VNN1: variants seen among roughly 807,000 people sequenced by gnomAD.
The protein encoded by VNN1 is vanin 1.
Under a neutral mutation model 41.9 loss-of-function variants are expected in VNN1, and 29 were observed. The observed-to-expected ratio is 0.69, with a 90% CI of 0.52 to 0.94. The LOEUF (loss-of-function observed/expected upper bound fraction) is 0.94. VNN1 is among the 40% of genes least tolerant of loss of function. The probability of loss-of-function intolerance (pLI) is 0.00; values close to 1 mark genes in which losing one functional copy is unlikely to be tolerated. For synonymous variants in VNN1, 233 were observed against 224.4 expected (o/e 1.04, Z -0.34); for missense variants, 637 against 621.1 (o/e 1.03, Z -0.27).
At chr6:132,684,687 GAATAA>G (rs1778182134) in intron 5 of VNN1, among the ~76,000 whole-genome samples, 182 bp from the exon 6 acceptor site, 1 of 151,418 alleles carries the variant, frequency 6.6e-6, no homozygotes, top group Non-Finnish European at 1.5e-5. Context: ...ATAAAAAATA[GAATAA>G]AATAATTAAA....
intron 2 of VNN1, among the ~76,000 whole-genome samples, chr6:132,704,053 T>C (rs1778485200): frequency 6.6e-6 from 1 of 151,850 alleles, no homozygotes. Flanking sequence ...CACACAGATA[T>C]ATAAAGGACA....
At chr6:132,706,559 G>T (rs533987789) in intron 2 of VNN1, among the ~76,000 whole-genome samples, 1 of 152,200 alleles carries the variant, frequency 6.6e-6, no homozygotes, top group African/African-American at 2.4e-5. Context: ...ACTACTAAAA[G>T]AAAACTTTGG....
At chr6:132,697,930 T>C (rs1204357494) in intron 2 of VNN1, among the ~76,000 whole-genome samples, 1 of 152,192 alleles carries the variant, frequency 6.6e-6, no homozygotes, top group African/African-American at 2.4e-5. Flanking sequence ...CCTTAAGTGG[T>C]GGAATAAGTA....
chr6:132,696,683 A>AC (rs1778377134), intron 2 of VNN1, among the ~76,000 whole-genome samples: 1 of 151,710 alleles, frequency 6.6e-6, no homozygotes, highest in African/African-American at 2.4e-5. Flanking sequence ...AAGAAAAAAA[A>AC]ATCTGACAAC....
intron 2 of VNN1, among the ~76,000 whole-genome samples, chr6:132,704,490 A>G (rs1201442882): frequency 6.6e-6 from 1 of 152,164 alleles, no homozygotes; most frequent in Admixed American, 6.5e-5. Context: ...TTAAGAAGAA[A>G]TTTAAAATTT....
rs764908629 is a variant in VNN1 at position 132,683,310 on chromosome 6, C to T, written c.1372G>A (p.Gly458Arg). 143 of 1,613,094 alleles carry T rather than the reference C, an allele frequency of 8.9e-5. No homozygotes were observed. The highest frequency in any genetic ancestry group is 6.7e-5 in the Non-Finnish European group (79 of 1,179,750). The change falls in exon 7 of 7, where the codon GGA becomes AGA. Residue 458 changes from glycine (G) to arginine (R), a missense_variant. Coordinates refer to ENST00000367928, the MANE Select transcript of VNN1 (RefSeq NM_004666.3). ...GTTGGCTTCAGACTAAACAAGCGTC[C>T]GTCAGTTGACACCTGATTAAAACAA... ...APGEFQVSTD[G>R]RLFSLKPTSG... is the part of the protein sequence containing the mutation.
Position 132,683,095 on chromosome 6 carries a change from C to G in VNN1, c.*45G>C. Reference sequence around the variant, plus strand: ...GACCAATCTTTCTTTTCTCATCCATCATTTTTTAAATTATCCCAAATAAAA... The same window carrying G: ...GACCAATCTTTCTTTTCTCATCCATGATTTTTTAAATTATCCCAAATAAAA... On this transcript the variant is annotated 3_prime_UTR_variant, in exon 7 of 7. Transcript: ENST00000367928. The G allele has an allele frequency of 6.5e-7, 1 of 1,534,232 alleles. No individual in the cohort carries two copies. Among genetic ancestry groups the G allele is most frequent in the Non-Finnish European group, 8.8e-7 (1 of 1,135,016 alleles).
chr6:132,710,417 G>A (rs1778582477), intron 2 of VNN1, among the ~76,000 whole-genome samples: 3 of 152,040 alleles, frequency 2.0e-5, no homozygotes, highest in Admixed American at 2.0e-4. Flanking sequence ...TACATGTGCA[G>A]AACATGCAGG....
Position 132,697,894 on chromosome 6 carries a change from T to C in VNN1, c.342-3712A>G, listed in dbSNP as rs138284998. 4.2e-3 allele frequency among the ~76,000 whole-genome samples: 640 copies of C among 152,318 alleles called. 6 individuals carry two copies. Among genetic ancestry groups the C allele is most frequent in the South Asian group, 0.017 (83 of 4,832 alleles). ...ACAACACATTGAACCACTTGAAACA[T>C]GTTTACCCCCAGTCTTTTTGGATCA... On this transcript the variant is annotated intron_variant, in intron 2 of 6. Coordinates refer to ENST00000367928, the MANE Select transcript of VNN1 (RefSeq NM_004666.3).
At chr6:132,694,310 T>A in intron 2 of VNN1, 128 bp from the exon 3 acceptor site, 1 of 1,005,822 alleles carries the variant, frequency 9.9e-7, no homozygotes, top group Non-Finnish European at 1.4e-6. Flanking sequence ...TAACAATAAT[T>A]AGAAGAGAAG....
intron 1 of VNN1, among the ~76,000 whole-genome samples, chr6:132,713,365 G>A (rs1778630686): frequency 6.6e-6 from 1 of 152,180 alleles, no homozygotes; most frequent in Non-Finnish European, 1.5e-5. Flanking sequence ...AGAATGAAGT[G>A]TGAAGTATAT....
At chr6:132,704,258 C>T (rs1036954522) in intron 2 of VNN1, among the ~76,000 whole-genome samples, 6 of 151,990 alleles carry the variant, frequency 3.9e-5, no homozygotes, top group East Asian at 1.9e-4. Flanking sequence ...ACAGAATAAA[C>T]ATTCTTCTCC....
chr6:132,690,352 T>C (rs1021713740), intron 5 of VNN1, among the ~76,000 whole-genome samples: 1 of 152,146 alleles, frequency 6.6e-6, no homozygotes, highest in Admixed American at 6.5e-5. Context: ...ATGCCTCAGT[T>C]GCCTTAGTAG....
intron 2 of VNN1, chr6:132,699,258 A>G (rs1778417172): frequency 3.9e-6 from 1 of 257,764 alleles, no homozygotes; most frequent in Non-Finnish European, 7.9e-6. Context: ...CTACAACTCC[A>G]CTATTCACTC....
rs372898370 is a variant in VNN1, at chr6:132,713,951, C to T, written c.85G>A (p.Val29Ile). Residue 29 changes from valine (V) to isoleucine (I), a missense_variant, in exon 1 of 7, where the codon GTT (valine) becomes ATT (isoleucine). Coordinates refer to ENST00000367928, the MANE Select transcript of VNN1 (RefSeq NM_004666.3). ...ASCQDTFTAA[V>I]YEHAAILPNA... The stretch of plus-strand genomic sequence containing the variant: ...GGCAATATCGCTGCATGCTCATAAA[C>T]AGCTGCAGTGAAAGTGTCCTGGCAG... 3.7e-6 allele frequency: 6 copies of T among 1,614,186 alleles called. No homozygotes were observed. Among genetic ancestry groups the T allele is most frequent in the Non-Finnish European group, 5.1e-6 (6 of 1,180,034 alleles).
intron 2 of VNN1, among the ~76,000 whole-genome samples, chr6:132,705,257 G>C (rs1006240006): frequency 6.6e-6 from 1 of 151,992 alleles, no homozygotes; most frequent in Non-Finnish European, 1.5e-5. Flanking sequence ...GATGAACATT[G>C]ATGCAAAAAA....
intron 2 of VNN1, among the ~76,000 whole-genome samples, chr6:132,694,867 G>A (rs1379668550): frequency 6.6e-6 from 1 of 151,614 alleles, no homozygotes; most frequent in Non-Finnish European, 1.5e-5. Context: ...AACAAATTTT[G>A]GGGGGCCAGG....
intron 2 of VNN1, among the ~76,000 whole-genome samples, chr6:132,694,542 T>C (rs956896493): frequency 2.0e-5 from 3 of 152,174 alleles, no homozygotes; most frequent in African/African-American, 7.2e-5. Context: ...AAATTTTGTC[T>C]AACAGAAGAG....
In VNN1 at chr6:132,684,441, G is replaced by A; in HGVS notation, c.1253C>T (p.Ala418Val). ...LNTCGDSAET[A>V]STRFEMFSLS... The stretch of plus-strand genomic sequence containing the variant: ...GGAGAACATTTCAAACCTGGTAGAA[G>A]CTGTTTCAGCTGAGTCACCGCAAGT... Residue 418 changes from alanine (A) to valine (V), a missense_variant, in exon 6 of 7, where the codon GCT becomes GTT. Coordinates refer to ENST00000367928, the MANE Select transcript of VNN1 (RefSeq NM_004666.3). 2 of 1,614,022 alleles carry A rather than the reference G, an allele frequency of 1.2e-6. No individual in the cohort carries two copies. Among genetic ancestry groups the A allele is most frequent in the South Asian group, 1.1e-5 (1 of 91,078 alleles).
Sources: allele counts gnomAD v4.1 joint callset (sites outside exome capture counted in the v4.1 genomes callset), GRCh38; gene constraint gnomAD v4.1.1; transcripts MANE v1.5; gene names NCBI Gene and HGNC (gene_info 2026-07-23, HGNC 2026-07-21).